The following TOM1L2 variants were observed in gnomAD, a reference collection of about 807,000 sequenced individuals.
TOM1L2 encodes TOM1-like protein 2.
Under a neutral mutation model 67.9 loss-of-function variants are expected in TOM1L2, and 31 were observed. That is an observed-to-expected ratio of 0.46 (90% CI 0.34 to 0.62). The LOEUF (loss-of-function observed/expected upper bound fraction) is 0.62. TOM1L2 is among the 20% of genes least tolerant of loss of function. The pLI is 0.01. For missense variants in TOM1L2, 606 were observed against 663.5 expected (o/e 0.91, Z 0.95); for synonymous variants, 256 against 254.0 (o/e 1.01, Z -0.07).
At chr17:17,861,983 C>A (rs1160450752) in intron 11 of TOM1L2, 2 of 167,192 alleles carry the variant, frequency 1.2e-5, no homozygotes, top group East Asian at 3.6e-4. Flanking sequence ...GGGCCTGTCA[C>A]TGATTATGGG....
chr17:17,933,071 T>C (rs1458441960), intron 1 of TOM1L2, among the ~76,000 whole-genome samples: 1 of 152,064 alleles, frequency 6.6e-6, no homozygotes, highest in Non-Finnish European at 1.5e-5. Flanking sequence ...CAAGAAGAAA[T>C]CTAGAAGCAG....
chr17:17,889,109 A>G (rs2038139936), intron 4 of TOM1L2, among the ~76,000 whole-genome samples: 1 of 152,148 alleles, frequency 6.6e-6, no homozygotes, highest in Admixed American at 6.5e-5. Flanking sequence ...GCCCTCGCAC[A>G]TGTTGGTAAA....
intron 7 of TOM1L2, among the ~76,000 whole-genome samples, chr17:17,875,073 A>G (rs896815133): frequency 1.3e-5 from 2 of 152,116 alleles, no homozygotes; most frequent in African/African-American, 2.4e-5. Context: ...ACTGGCCAAC[A>G]TGGTGAAACC....
chr17:17,909,392 T>C (rs2039241919), intron 1 of TOM1L2, among the ~76,000 whole-genome samples: 1 of 152,144 alleles, frequency 6.6e-6, no homozygotes, highest in African/African-American at 2.4e-5. Flanking sequence ...TGGATATACA[T>C]ATAATGGATT....
chr17:17,919,029 T>C (rs1245210440), intron 1 of TOM1L2, among the ~76,000 whole-genome samples: 1 of 152,130 alleles, frequency 6.6e-6, no homozygotes, highest in East Asian at 1.9e-4. Context: ...CCTTCAGACT[T>C]AGAAGCAGGA....
chr17:17,864,511 T>A (rs2036739287), intron 10 of TOM1L2, among the ~76,000 whole-genome samples: 1 of 151,332 alleles, frequency 6.6e-6, no homozygotes, highest in South Asian at 2.1e-4. Flanking sequence ...CACCCGGCTT[T>A]TTTTTTTTTT....
At chr17:17,856,834 A>G (rs2036276369) in intron 12 of TOM1L2, among the ~76,000 whole-genome samples, 1 of 152,204 alleles carries the variant, frequency 6.6e-6, no homozygotes, top group South Asian at 2.1e-4. Context: ...CTGAACAGAC[A>G]AGGCAGGAGA....
chr17:17,950,231 A>G (rs1014202558), intron 1 of TOM1L2, among the ~76,000 whole-genome samples: 5 of 152,156 alleles, frequency 3.3e-5, no homozygotes, highest in African/African-American at 1.2e-4. Flanking sequence ...CTCTTGGCTC[A>G]CTGCAACCTC....
intron 1 of TOM1L2, among the ~76,000 whole-genome samples, chr17:17,957,660 A>G (rs1306845083): frequency 6.6e-6 from 1 of 150,852 alleles, no homozygotes. Context: ...TATAAAATAT[A>G]TATAAAATAT....
chr17:17,877,128 C>T (rs1180905560), intron 7 of TOM1L2, among the ~76,000 whole-genome samples: 1 of 152,238 alleles, frequency 6.6e-6, no homozygotes, highest in Non-Finnish European at 1.5e-5. Context: ...AGTCTGCAGG[C>T]AAACAGCTCA....
intron 10 of TOM1L2, among the ~76,000 whole-genome samples, 153 bp from the exon 11 acceptor site, chr17:17,863,001 T>G (rs1233908772): frequency 6.6e-6 from 1 of 152,122 alleles, no homozygotes; most frequent in Non-Finnish European, 1.5e-5. Flanking sequence ...GTGCACCACA[T>G]GCCGGAGGAG....
chr17:17,899,050 A>G (rs1326685092), intron 2 of TOM1L2, among the ~76,000 whole-genome samples: 1 of 152,350 alleles, frequency 6.6e-6, no homozygotes, highest in East Asian at 1.9e-4. Context: ...AAAGAGCTAT[A>G]ACAACCTGGT....
In TOM1L2 at chr17:17,850,951, A is replaced by T. The variant is rs756282247; in HGVS notation, c.1280T>A (p.Ile427Asn). ...CATGACAGATGGCTGCGCAACGGGGATCTATGGAGGCGGCAAGCAGCGGGC... is the reference window on the plus strand; with the variant it reads ...CATGACAGATGGCTGCGCAACGGGGTTCTATGGAGGCGGCAAGCAGCGGGC... The part of the protein sequence containing the change: ...LDNRKQSSEG[I>N]PVAQPSVMDD... Residue 427 changes from isoleucine (I) to asparagine (N), a missense_variant and splice_region_variant, in exon 13 of 15, where the codon ATC becomes AAC. Physicochemically the swap from Ile to Asn is moderately radical, Grantham distance 149. Coordinates refer to ENST00000379504, the MANE Select transcript of TOM1L2 (RefSeq NM_001082968.2). The T allele has an allele frequency of 8.1e-6, 13 of 1,613,876 alleles. No homozygotes were observed. Among genetic ancestry groups the T allele is most frequent in the Non-Finnish European group, 1.1e-5 (13 of 1,180,024 alleles).
intron 12 of TOM1L2, among the ~76,000 whole-genome samples, chr17:17,855,301 C>T (rs1166513322): frequency 6.6e-6 from 1 of 152,162 alleles, no homozygotes; most frequent in Non-Finnish European, 1.5e-5. Context: ...GCCTTGGGGG[C>T]CTCCAGGTCT....
chr17:17,881,991 T>A (rs1262575151), intron 6 of TOM1L2, among the ~76,000 whole-genome samples: 1 of 152,186 alleles, frequency 6.6e-6, no homozygotes, highest in Non-Finnish European at 1.5e-5. Flanking sequence ...TGACCAATTC[T>A]CAAATTGTAA....
chr17:17,968,079 A>G (rs1302700184), intron 1 of TOM1L2, among the ~76,000 whole-genome samples: 4 of 152,208 alleles, frequency 2.6e-5, no homozygotes, highest in Non-Finnish European at 5.9e-5. Flanking sequence ...GAATGTTCAC[A>G]TGAGGCCCAC....
At chr17:17,856,043 G>A (rs2036235660) in intron 12 of TOM1L2, among the ~76,000 whole-genome samples, 1 of 152,226 alleles carries the variant, frequency 6.6e-6, no homozygotes. Flanking sequence ...GGAAGTTAGA[G>A]ACTGGAGCTC....
chr17:17,862,787 G>A lies in TOM1L2; in HGVS notation c.1146C>T (p.Asp382=), dbSNP rs202004431. 27 of 1,614,160 alleles carry A rather than the reference G, an allele frequency of 1.7e-5. No homozygotes were observed. Among genetic ancestry groups the A allele is most frequent in the Admixed American group, 8.3e-5 (5 of 60,022 alleles). ...LSSLQQCNPR[D]GFDMFAQTRG... The stretch of plus-strand genomic sequence containing the variant: ...TCGTCTGGGCAAACATGTCAAAGCC[G>A]TCACGGGGATTACATTGCTGGAGTG... Residue 382 remains aspartate, a synonymous_variant, in exon 11 of 15, where the codon GAC becomes GAT. Coordinates refer to ENST00000379504, the MANE Select transcript of TOM1L2 (RefSeq NM_001082968.2).
At chr17:17,962,981 T>C (rs1408719195) in intron 1 of TOM1L2, among the ~76,000 whole-genome samples, 1 of 151,652 alleles carries the variant, frequency 6.6e-6, no homozygotes. Context: ...AAAATGTAAA[T>C]TTTGTTATAT....
Sources: allele counts gnomAD v4.1 joint callset (sites outside exome capture counted in the v4.1 genomes callset), GRCh38; gene constraint gnomAD v4.1.1; transcripts MANE v1.5; gene names NCBI Gene and HGNC (gene_info 2026-07-23, HGNC 2026-07-21).